DLGAP2: variants seen among roughly 807,000 people sequenced by gnomAD.
DLGAP2 encodes DLG associated protein 2, also known as disks large-associated protein 2.
DLGAP2 carries 26 observed loss-of-function variants against 100.3 expected under a neutral mutation model. The ratio of observed to expected loss-of-function variants is 0.26; its 90% CI spans 0.19 to 0.36. The LOEUF (loss-of-function observed/expected upper bound fraction) is 0.36. Among genes scored for constraint, DLGAP2 ranks in the 10% least tolerant of loss-of-function variants. The probability of loss-of-function intolerance (pLI) is 1.00; values close to 1 mark genes in which losing one functional copy is unlikely to be tolerated. For missense variants in DLGAP2, 1,858 were observed against 1,453.2 expected, an observed-to-expected ratio of 1.28 and a Z score of -4.53; for synonymous variants, 886 against 630.1, an observed-to-expected ratio of 1.41 and a Z score of -6.08.
At chr8:1,254,948 T>TGCTGTGTGTGTGTCCTCTCCTGCCCAGGC (rs1799143693) in intron 2 of DLGAP2, among the ~76,000 whole-genome samples, 1 of 125,470 alleles carries the variant, frequency 8.0e-6, no homozygotes, top group African/African-American at 3.7e-5. Flanking sequence ...CCTGCCCGGG[T>TGCTGTGTGTGTGTCCTCTCCTGCCCAGGC]GCTGTGTGTG....
At chr8:911,721 G>T (rs1179404588) in intron 2 of DLGAP2, among the ~76,000 whole-genome samples, 2 of 151,624 alleles carry the variant, frequency 1.3e-5, no homozygotes, top group Non-Finnish European at 2.9e-5. Context: ...AAGGATGTGG[G>T]TATAATGTAT....
chr8:828,332 C>G lies in DLGAP2; in HGVS notation c.19-79580C>G, dbSNP rs1218534008. 2.0e-5 allele frequency among the ~76,000 whole-genome samples: 3 copies of G among 152,152 alleles called. No individual in the cohort carries two copies. In the South Asian group the frequency reaches 6.2e-4, roughly 32 times the overall value. On this transcript the variant is annotated intron_variant, in intron 1 of 14. Transcript: ENST00000637795. ...AAGAGACAGGTACGCCCCGGGGGGG[C>G]CAGTTCAGAGACCTACCCCTAGGTG... is the stretch of plus-strand genomic sequence containing the variant.
chr8:1,464,685 G>C (rs1382061387), intron 3 of DLGAP2, among the ~76,000 whole-genome samples: 1 of 152,206 alleles, frequency 6.6e-6, no homozygotes, highest in Non-Finnish European at 1.5e-5. Flanking sequence ...TCAGGGGCTG[G>C]AGACACGTCC....
chr8:758,516 C>G (rs1009283089), intron 1 of DLGAP2, among the ~76,000 whole-genome samples: 2 of 152,140 alleles, frequency 1.3e-5, no homozygotes, highest in African/African-American at 4.8e-5. Flanking sequence ...TCTGCCCATC[C>G]CAAGGTGCCC....
intron 3 of DLGAP2, among the ~76,000 whole-genome samples, chr8:1,498,854 A>T (rs1260984070): frequency 6.6e-6 from 1 of 152,340 alleles, no homozygotes; most frequent in African/African-American, 2.4e-5. Context: ...ATAAGGAAGG[A>T]TGGTACCCAC....
At position 1,548,786 on chromosome 8, in the gene DLGAP2, C is replaced by T. The variant is rs757999012; in HGVS notation, c.333C>T (p.His111=). 6.3e-7 allele frequency: 1 copy of T among 1,589,952 alleles called. No individual in the cohort carries two copies. The highest frequency in any genetic ancestry group is 1.1e-5 in the South Asian group (1 of 88,750). Reference sequence around the variant, plus strand: ...CCCCGGAGGACTGCGAGCACCTGCACCACGGGCCCGACGCGCGGCCGCCCT... The same window carrying T: ...CCCCGGAGGACTGCGAGCACCTGCATCACGGGCCCGACGCGCGGCCGCCCT... ...LAPPEDCEHL[H]HGPDARPPYL... is the part of the protein sequence containing the mutation. The change falls in exon 5 of 15, where the codon CAC becomes CAT. Residue 111 remains histidine (H), a synonymous_variant. Transcript: ENST00000637795.
chr8:1,324,661 T>G (rs902589426), intron 3 of DLGAP2, among the ~76,000 whole-genome samples: 3 of 152,208 alleles, frequency 2.0e-5, no homozygotes, highest in African/African-American at 7.2e-5. Context: ...TGGAATTGAT[T>G]CCTGTGTCCT....
intron 3 of DLGAP2, among the ~76,000 whole-genome samples, chr8:1,443,135 T>C (rs1797886092): frequency 6.6e-6 from 1 of 152,232 alleles, no homozygotes; most frequent in Non-Finnish European, 1.5e-5. Flanking sequence ...AAAAGTTTTA[T>C]GTTATGAAAG....
chr8:1,678,137 C>G, intron 11 of DLGAP2, 77 bp from the exon 12 acceptor site: 4 of 1,514,418 alleles, frequency 2.6e-6, no homozygotes, highest in Non-Finnish European at 3.6e-6. Context: ...GCGCTCCTGA[C>G]AGGCGACATG....
intron 2 of DLGAP2, among the ~76,000 whole-genome samples, chr8:1,236,349 A>G (rs1303275703): frequency 1.5e-4 from 8 of 51,886 alleles, no homozygotes; most frequent in African/African-American, 2.6e-4. Context: ...CGCCGTGTCT[A>G]GTTCTCTCCC....
At chr8:1,354,522 G>A (rs565925656) in intron 3 of DLGAP2, among the ~76,000 whole-genome samples, 103 of 152,290 alleles carry the variant, frequency 6.8e-4, no homozygotes, top group African/African-American at 2.4e-3. Flanking sequence ...CAGAAAAAAA[G>A]AAAGAACGAA....
intron 6 of DLGAP2, among the ~76,000 whole-genome samples, chr8:1,607,958 G>GGGGGAGGGGCGCCCGCCACT (rs1796863464): frequency 7.0e-6 from 1 of 142,176 alleles, no homozygotes; most frequent in Non-Finnish European, 1.6e-5. Flanking sequence ...CAGCGAGGCT[G>GGGGGAGGGGCGCCCGCCACT]GGGGAGGGGC....
chr8:921,479 G>GAAT (rs1033851933), intron 2 of DLGAP2, among the ~76,000 whole-genome samples: 1 of 152,190 alleles, frequency 6.6e-6, no homozygotes, highest in African/African-American at 2.4e-5. Context: ...GCACGTCTAT[G>GAAT]AGCATTTCTG....
chr8:784,749 G>C (rs1189861783), intron 1 of DLGAP2, among the ~76,000 whole-genome samples: 1 of 152,232 alleles, frequency 6.6e-6, no homozygotes, highest in East Asian at 1.9e-4. Context: ...GCCCATGCCT[G>C]TGAAGACCAG....
At chr8:754,100 G>A (rs987404873) in intron 1 of DLGAP2, 1 of 152,226 alleles carries the variant, frequency 6.6e-6, no homozygotes, top group Admixed American at 6.5e-5. Flanking sequence ...TGGGGAGTGA[G>A]TGGTACAGCG....
At chr8:1,655,985 G>A (rs895367698) in intron 8 of DLGAP2, among the ~76,000 whole-genome samples, 4 of 152,178 alleles carry the variant, frequency 2.6e-5, no homozygotes, top group East Asian at 1.9e-4. Flanking sequence ...AGCGTGTGCC[G>A]CAGAGGAACC....
At chr8:1,653,848 T>A (rs1798222632) in intron 8 of DLGAP2, among the ~76,000 whole-genome samples, 1 of 152,188 alleles carries the variant, frequency 6.6e-6, no homozygotes, top group South Asian at 2.1e-4. Flanking sequence ...TTGACATGAT[T>A]TAGGATATAT....
chr8:1,621,377 G>A (rs1797331454), intron 6 of DLGAP2: 1 of 153,088 alleles, frequency 6.5e-6, no homozygotes, highest in Admixed American at 6.5e-5. Context: ...CCAGGGCAAA[G>A]GAGGTTGTCA....
chr8:1,417,255 A>G (rs954598418), intron 3 of DLGAP2, among the ~76,000 whole-genome samples: 7 of 140,750 alleles, frequency 5.0e-5, no homozygotes, highest in African/African-American at 1.6e-4. Flanking sequence ...GGAGACCGGC[A>G]TTCATTTAGC....
Sources: gnomAD v4.1 joint callset for allele counts (sites outside exome capture counted in the v4.1 genomes callset) on GRCh38, gnomAD v4.1.1 for gene constraint, MANE v1.5 for transcripts, NCBI Gene and HGNC (gene_info 2026-07-23, HGNC 2026-07-21) for gene names.